COL22A1: variants seen among roughly 807,000 people sequenced by gnomAD.
COL22A1 encodes collagen alpha-1(XXII) chain.
A neutral mutation model predicts 248.9 loss-of-function variants in COL22A1; 221 were observed. The observed-to-expected ratio is 0.89, with a 90% CI of 0.80 to 0.99. COL22A1 has a LOEUF of 0.99. Ranked by LOEUF, COL22A1 falls within the 50% of genes least tolerant of loss-of-function variation. The pLI, the probability that COL22A1 is intolerant of heterozygous loss-of-function variation, is 0.00. For synonymous variants in COL22A1, 891 were observed against 793.4 expected (o/e 1.12, Z -2.07); for missense variants, 2,240 against 2,179.0 (o/e 1.03, Z -0.56).
chr8:138,820,496 T>C (rs60522907), intron 7 of COL22A1, among the ~76,000 whole-genome samples: 10,103 of 151,258 alleles, frequency 0.067, 1,070 homozygotes, highest in African/African-American at 0.23. Flanking sequence ...AGAAGAGAAA[T>C]GAAGTAAGGA....
In COL22A1 at chr8:138,660,975, T is replaced by TAC. The variant is rs1259072960; in HGVS notation, c.3241-497_3241-496dup. Among the ~76,000 whole-genome samples the TAC allele has an allele frequency of 1.3e-3, 69 of 52,116 alleles. 2 individuals carry two copies. Among genetic ancestry groups the TAC allele is most frequent in the Admixed American group, 0.01 (48 of 4,602 alleles). The allele number at this position is 52,116 out of a possible 152,430, so 34.2% of individuals were successfully genotyped here. On this transcript the variant is annotated intron_variant, in intron 43 of 64. Coordinates refer to ENST00000303045, the MANE Select transcript of COL22A1 (RefSeq NM_152888.3). The stretch of plus-strand genomic sequence containing the variant: ...ACACAGACACACACGCACACACACA[T>TAC]ACACACACACATACACACATACACA...
chr8:138,885,601 G>C (rs1207082259), intron 1 of COL22A1, among the ~76,000 whole-genome samples: 1 of 151,602 alleles, frequency 6.6e-6, no homozygotes, highest in Non-Finnish European at 1.5e-5. Flanking sequence ...GTTTTTTTCT[G>C]ATGGAGTTTC....
chr8:138,767,360 G>A (rs551485233), intron 16 of COL22A1, among the ~76,000 whole-genome samples: 3 of 152,268 alleles, frequency 2.0e-5, no homozygotes, highest in Non-Finnish European at 2.9e-5. Flanking sequence ...ATAAGGGCCC[G>A]GAGAGCACTG....
chr8:138,662,023 T>A lies in COL22A1; in HGVS notation c.3240+7A>T. 1.2e-6 allele frequency: 2 copies of A among 1,610,898 alleles called. No homozygotes were observed. The highest frequency in any genetic ancestry group is 1.7e-6 in the Non-Finnish European group (2 of 1,178,304). ...TCACTGAGTCCACGCCATTTCTCTGTACTTACGTCCCGGCCGGCTGGGCCC... is the reference window on the plus strand; with the variant it reads ...TCACTGAGTCCACGCCATTTCTCTGAACTTACGTCCCGGCCGGCTGGGCCC... On this transcript the variant is annotated splice_region_variant and intron_variant, in intron 43 of 64. Transcript: ENST00000303045.
chr8:138,717,847 T>C (rs950039313), intron 27 of COL22A1, among the ~76,000 whole-genome samples: 1 of 152,216 alleles, frequency 6.6e-6, no homozygotes, highest in East Asian at 1.9e-4. Flanking sequence ...GCGATGATGA[T>C]GGTGGTGGTG....
At chr8:138,705,221 C>T (rs1412344920) in intron 30 of COL22A1, among the ~76,000 whole-genome samples, 6 of 152,146 alleles carry the variant, frequency 3.9e-5, no homozygotes, top group Non-Finnish European at 8.8e-5. Flanking sequence ...GGATATTATC[C>T]AGGAGAACTT....
chr8:138,816,600 T>C (rs750134775), intron 7 of COL22A1, among the ~76,000 whole-genome samples: 1 of 152,174 alleles, frequency 6.6e-6, no homozygotes, highest in Non-Finnish European at 1.5e-5. Context: ...GAGCCTCAGC[T>C]CTACTTTTCT....
intron 12 of COL22A1, among the ~76,000 whole-genome samples, chr8:138,782,818 TGACAGACG>T (rs1815141477): frequency 7.0e-6 from 1 of 142,326 alleles, no homozygotes; most frequent in African/African-American, 3.1e-5. Context: ...AGGCCCACGA[TGACAGACG>T]GATCAATGGA....
chr8:138,870,736 T>C (rs1304950353), intron 3 of COL22A1, among the ~76,000 whole-genome samples: 3 of 151,668 alleles, frequency 2.0e-5, no homozygotes, highest in Non-Finnish European at 1.5e-5. Flanking sequence ...GTGTGCATAG[T>C]GTTTGTGTAT....
intron 37 of COL22A1, among the ~76,000 whole-genome samples, chr8:138,686,348 G>C (rs1414933757): frequency 1.3e-5 from 2 of 152,192 alleles, no homozygotes; most frequent in African/African-American, 4.8e-5. Flanking sequence ...GTGGAACACT[G>C]GGTTGAGCCC....
intron 22 of COL22A1, among the ~76,000 whole-genome samples, chr8:138,741,584 C>G (rs934289714): frequency 6.6e-6 from 1 of 152,156 alleles, no homozygotes; most frequent in Non-Finnish European, 1.5e-5. Context: ...AAGCATCCCT[C>G]AACTGTAACA....
intron 16 of COL22A1, among the ~76,000 whole-genome samples, chr8:138,774,072 AG>A (rs1293434875): frequency 7.2e-5 from 11 of 152,234 alleles, no homozygotes; most frequent in African/African-American, 2.4e-4. Context: ...GAAGGAGCAG[AG>A]GGCCCACAGA....
At chr8:138,632,339 C>A (rs191033148) in intron 49 of COL22A1, among the ~76,000 whole-genome samples, 1 of 152,276 alleles carries the variant, frequency 6.6e-6, no homozygotes, top group Admixed American at 6.5e-5. Flanking sequence ...AAGAACAGCA[C>A]CTATTTTACA....
Position 138,715,272 on chromosome 8 carries a change from T to C in COL22A1, c.2517+410A>G, listed in dbSNP as rs548295208. On this transcript the variant is annotated intron_variant, in intron 30 of 64. Coordinates refer to ENST00000303045, the MANE Select transcript of COL22A1 (RefSeq NM_152888.3). ...ATTCTGCGGAAATGTAAAGATTCAG[T>C]ACAGGCCGGGCATGGTGTCTCATGC... Among the ~76,000 whole-genome samples the C allele has an allele frequency of 4.6e-5, 7 of 152,236 alleles. No homozygotes were observed. The South Asian group carries it at 1.5e-3, about 32-fold the overall frequency.
chr8:138,593,858 T>C (rs777831677), intron 63 of COL22A1, among the ~76,000 whole-genome samples, 159 bp downstream of exon 63: 1 of 152,226 alleles, frequency 6.6e-6, no homozygotes, highest in Non-Finnish European at 1.5e-5. Context: ...AAGCCTCTTA[T>C]GCATATGATA....
At chr8:138,627,845 C>T (rs1451827585) in intron 50 of COL22A1, among the ~76,000 whole-genome samples, 1 of 152,144 alleles carries the variant, frequency 6.6e-6, no homozygotes, top group Non-Finnish European at 1.5e-5. Context: ...GAAAGTCATA[C>T]AATTTAATTG....
chr8:138,700,347 T>C (rs1421550428), intron 31 of COL22A1, among the ~76,000 whole-genome samples: 1 of 152,224 alleles, frequency 6.6e-6, no homozygotes, highest in Non-Finnish European at 1.5e-5. Context: ...TGCATAGTGG[T>C]TAGATTCCGG....
chr8:138,838,818 G>A (rs9692908), intron 4 of COL22A1, among the ~76,000 whole-genome samples: 83,428 of 152,006 alleles, frequency 0.55, 23,338 homozygotes, highest in East Asian at 0.66. Context: ...GGAGCACCTC[G>A]CTGAAGCCAG....
intron 41 of COL22A1, among the ~76,000 whole-genome samples, chr8:138,664,204 C>CGCGCGT (rs1824266359): frequency 2.2e-5 from 2 of 90,950 alleles, no homozygotes; most frequent in Admixed American, 1.1e-4. Context: ...TGCGCGCGCG[C>CGCGCGT]GCGCGCACAC....
Sources: allele counts gnomAD v4.1 joint callset (sites outside exome capture counted in the v4.1 genomes callset), GRCh38; gene constraint gnomAD v4.1.1; transcripts MANE v1.5; gene names NCBI Gene and HGNC (gene_info 2026-07-23, HGNC 2026-07-21).